The following AGBL4 variants were observed in gnomAD, a reference collection of about 807,000 sequenced individuals.
AGBL4 encodes cytosolic carboxypeptidase 6.
In AGBL4, 58 loss-of-function variants were observed where a neutral mutation model predicts 66.4. That is an observed-to-expected ratio of 0.87 (90% CI 0.71 to 1.09). AGBL4 has a LOEUF of 1.09. Ranked by LOEUF, AGBL4 falls within the 50% of genes least tolerant of loss-of-function variation. The pLI, the probability that AGBL4 is intolerant of heterozygous loss-of-function variation, is 0.00. For missense variants in AGBL4, 579 were observed against 631.0 expected (o/e 0.92, Z 0.88); for synonymous variants, 234 against 222.9 (o/e 1.05, Z -0.44).
intron 1 of AGBL4, chr1:49,995,376 C>T (rs1367458390): frequency 4.6e-6 from 2 of 435,672 alleles, no homozygotes; most frequent in Admixed American, 2.4e-5. Flanking sequence ...TCACTGCGGC[C>T]TTTCCCACTT....
chr1:49,836,927 T>G (rs1645866141), intron 2 of AGBL4, among the ~76,000 whole-genome samples: 1 of 152,192 alleles, frequency 6.6e-6, no homozygotes, highest in Admixed American at 6.5e-5. Flanking sequence ...CAGCTAAGAT[T>G]GCTGCTTGCT....
intron 5 of AGBL4, among the ~76,000 whole-genome samples, chr1:48,905,396 A>G (rs946854026): frequency 5.3e-5 from 8 of 152,236 alleles, no homozygotes; most frequent in African/African-American, 1.9e-4. Flanking sequence ...CATAGTCAAA[A>G]AAGTAATGTA....
intron 5 of AGBL4, among the ~76,000 whole-genome samples, chr1:48,921,531 G>A (rs1040351388): frequency 5.9e-5 from 9 of 152,152 alleles, no homozygotes; most frequent in African/African-American, 1.4e-4. Flanking sequence ...AAGTCAGACT[G>A]GAAACTCCTA....
intron 3 of AGBL4, among the ~76,000 whole-genome samples, chr1:49,285,369 G>A (rs913619333): frequency 6.6e-6 from 1 of 151,878 alleles, no homozygotes; most frequent in Non-Finnish European, 1.5e-5. Flanking sequence ...GCATTCAGAG[G>A]AGTGTGTAGA....
intron 5 of AGBL4, among the ~76,000 whole-genome samples, chr1:48,973,786 A>G (rs1035810924): frequency 6.6e-6 from 1 of 152,166 alleles, no homozygotes; most frequent in African/African-American, 2.4e-5. Context: ...GGCACTGATT[A>G]TGGTATGCTG....
At chr1:48,532,422 TG>T (rs1478045965), downstream of AGBL4, among the ~76,000 whole-genome samples, 1 of 152,214 alleles carries the variant, frequency 6.6e-6, no homozygotes, top group Non-Finnish European at 1.5e-5. Context: ...TCCAAGTTTT[TG>T]CTCTTAAATA....
intron 3 of AGBL4, among the ~76,000 whole-genome samples, chr1:49,457,832 T>C (rs6588350): frequency 0.52 from 78,698 of 151,512 alleles, 21,886 homozygotes; most frequent in Non-Finnish European, 0.62. Flanking sequence ...TTCCCCACTT[T>C]ATGTTTTTGT....
Position 49,250,604 on chromosome 1 carries a change from T to G in AGBL4, c.283-4740A>C, listed in dbSNP as rs191772540. ...GACTACAGGTGTGTGCCACTATGCT[T>G]GGCTAATTTTTGTACTTTTAGTAGA... On this transcript the variant is annotated intron_variant, in intron 3 of 13. Transcript: ENST00000371839. Among the ~76,000 whole-genome samples, 4 of 151,974 alleles carry G rather than the reference T, an allele frequency of 2.6e-5. No homozygotes were observed. In the East Asian group the frequency reaches 7.8e-4, roughly 30 times the overall value.
chr1:49,162,851 A>C (rs1054543796), intron 4 of AGBL4, among the ~76,000 whole-genome samples: 5 of 152,226 alleles, frequency 3.3e-5, no homozygotes, highest in African/African-American at 1.2e-4. Context: ...ATGATAGCAC[A>C]GCAATTAACA....
intron 3 of AGBL4, among the ~76,000 whole-genome samples, chr1:49,599,422 T>C (rs1328130097): frequency 6.6e-6 from 1 of 152,206 alleles, no homozygotes; most frequent in African/African-American, 2.4e-5. Flanking sequence ...TGATGGTAGT[T>C]TGTATTTCTG....
At chr1:49,106,115 A>C (rs991531186) in intron 4 of AGBL4, among the ~76,000 whole-genome samples, 1 of 152,132 alleles carries the variant, frequency 6.6e-6, no homozygotes, top group Non-Finnish European at 1.5e-5. Context: ...TTGGTGACGG[A>C]CCCCAGTGCT....
chr1:48,538,624 C>G (rs1053419403), intron 12 of AGBL4, among the ~76,000 whole-genome samples: 3 of 152,232 alleles, frequency 2.0e-5, no homozygotes, highest in Non-Finnish European at 2.9e-5. Context: ...ACCTTCTCAT[C>G]ATCTTTCTTA....
intron 1 of AGBL4, among the ~76,000 whole-genome samples, chr1:49,960,897 G>C (rs966291009): frequency 2.6e-5 from 4 of 152,048 alleles, no homozygotes; most frequent in Admixed American, 1.3e-4. Context: ...TAGGGAACTT[G>C]ACAATTATTA....
At chr1:48,846,271 A>C (rs1473326356) in intron 6 of AGBL4, among the ~76,000 whole-genome samples, 1 of 152,042 alleles carries the variant, frequency 6.6e-6, no homozygotes, top group African/African-American at 2.4e-5. Flanking sequence ...GTACTGCTAC[A>C]TGCTAAATAC....
intron 6 of AGBL4, chr1:48,759,423 G>C (rs1570551412): frequency 7.4e-7 from 1 of 1,347,012 alleles, no homozygotes; most frequent in Non-Finnish European, 9.7e-7. Context: ...CAAACACTTA[G>C]TCAAAGCCCT....
intron 6 of AGBL4, among the ~76,000 whole-genome samples, chr1:48,809,259 G>A (rs931772068): frequency 4.6e-5 from 7 of 152,212 alleles, no homozygotes; most frequent in African/African-American, 1.7e-4. Flanking sequence ...CCACAGAGCT[G>A]TGAATACAAA....
At chr1:48,599,269 T>G (rs528979857) in intron 9 of AGBL4, among the ~76,000 whole-genome samples, 1 of 152,234 alleles carries the variant, frequency 6.6e-6, no homozygotes, top group Non-Finnish European at 1.5e-5. Context: ...AAAAGTATAG[T>G]ATAGAAAATA....
intron 3 of AGBL4, among the ~76,000 whole-genome samples, chr1:49,280,545 CT>C (rs1248279781): frequency 6.6e-6 from 1 of 152,052 alleles, no homozygotes; most frequent in Non-Finnish European, 1.5e-5. Context: ...AGACAAAAGT[CT>C]TTAGGAAGAA....
At chr1:49,948,219 TATAA>T (rs1399276155) in intron 1 of AGBL4, among the ~76,000 whole-genome samples, 7 of 103,546 alleles carry the variant, frequency 6.8e-5, no homozygotes, top group African/African-American at 1.3e-4. Flanking sequence ...TATAAATATA[TATAA>T]ATATATATAA....
Sources: allele counts gnomAD v4.1 joint callset (sites outside exome capture counted in the v4.1 genomes callset), GRCh38; gene constraint gnomAD v4.1.1; transcripts MANE v1.5; gene names NCBI Gene and HGNC (gene_info 2026-07-23, HGNC 2026-07-21).